The following FHOD3 variants were observed in gnomAD, a reference collection of about 807,000 sequenced individuals.
FHOD3 encodes FH1/FH2 domain-containing protein 3.
In FHOD3, 90 loss-of-function variants were observed where a neutral mutation model predicts 173.0. The observed-to-expected ratio is 0.52, with a 90% confidence interval of 0.44 to 0.62. FHOD3 has a LOEUF of 0.62. Among genes scored for constraint, FHOD3 ranks in the 20% least tolerant of loss-of-function variants. The pLI is 0.00. For missense variants in FHOD3, 1,945 were observed against 2,034.7 expected, an observed-to-expected ratio of 0.96 and a Z score of 0.85; for synonymous variants, 828 against 823.0, an observed-to-expected ratio of 1.01 and a Z score of -0.10.
intron 5 of FHOD3, among the ~76,000 whole-genome samples, chr18:36,536,768 G>A (rs1325563255): frequency 6.6e-6 from 1 of 152,190 alleles, no homozygotes; most frequent in African/African-American, 2.4e-5. Context: ...GTGGCAGGCA[G>A]TGGCTGCATC....
chr18:36,497,736 A>G (rs2054821224), intron 3 of FHOD3, among the ~76,000 whole-genome samples: 1 of 152,222 alleles, frequency 6.6e-6, no homozygotes, highest in Non-Finnish European at 1.5e-5. Context: ...AAGAAGAAAT[A>G]CACAAATCCA....
At chr18:36,328,188 C>G (rs191820887) in intron 1 of FHOD3, among the ~76,000 whole-genome samples, 6 of 152,082 alleles carry the variant, frequency 3.9e-5, no homozygotes, top group Non-Finnish European at 7.4e-5. Context: ...TGGTGGGAGA[C>G]AAGTGTTTGG....
intron 6 of FHOD3, among the ~76,000 whole-genome samples, chr18:36,580,951 T>A (rs566234689): frequency 1.3e-5 from 2 of 152,366 alleles, no homozygotes; most frequent in Admixed American, 6.5e-5. Context: ...AAGGAAGTAC[T>A]GGAGCAGAAA....
intron 19 of FHOD3, among the ~76,000 whole-genome samples, chr18:36,726,172 T>C (rs146507462): frequency 1.6e-4 from 24 of 150,856 alleles, no homozygotes; most frequent in African/African-American, 5.8e-4. Flanking sequence ...ATGTTACATA[T>C]ATAAATATAT....
At chr18:36,534,414 G>C (rs1568394926) in intron 5 of FHOD3, among the ~76,000 whole-genome samples, 3 of 152,242 alleles carry the variant, frequency 2.0e-5, no homozygotes, top group Non-Finnish European at 4.4e-5. Context: ...CTGGTCCTGA[G>C]AGGAACTGGT....
chr18:36,605,800 G>A (rs2032002022), intron 8 of FHOD3, among the ~76,000 whole-genome samples: 1 of 152,180 alleles, frequency 6.6e-6, no homozygotes, highest in Non-Finnish European at 1.5e-5. Flanking sequence ...TCTGGGTCTG[G>A]AAAACATTCA....
intron 8 of FHOD3, among the ~76,000 whole-genome samples, chr18:36,603,229 G>A (rs1158753262): frequency 6.6e-6 from 1 of 152,096 alleles, no homozygotes; most frequent in African/African-American, 2.4e-5. Flanking sequence ...CTAATACATT[G>A]TGAAAATCTA....
In FHOD3 at chr18:36,602,920, G is replaced by C. The variant is rs140763328; in HGVS notation, c.813+152G>C. 5.2e-4 allele frequency: 330 copies of C among 639,946 alleles called. 5 individuals carry two copies. The East Asian group carries it at 9.0e-3, about 17-fold the overall frequency. 39.6% of individuals were successfully genotyped at this position (639,946 alleles called of 1,614,324 possible). On this transcript the variant is annotated intron_variant, in intron 8 of 28. Coordinates refer to ENST00000590592, the MANE Select transcript of FHOD3 (RefSeq NM_001281740.3). ...GGGTGGGCTCTGATGCAGCATGACT[G>C]TGTTCTTATAAGAGGAAAAGAGACA... is the stretch of plus-strand genomic sequence containing the variant.
intron 4 of FHOD3, among the ~76,000 whole-genome samples, chr18:36,507,911 C>T (rs1479618419): frequency 6.6e-6 from 1 of 152,158 alleles, no homozygotes; most frequent in Non-Finnish European, 1.5e-5. Flanking sequence ...CTATTGTCTC[C>T]ATTCTTCAGC....
intron 1 of FHOD3, among the ~76,000 whole-genome samples, chr18:36,346,327 C>T (rs1312186830): frequency 6.6e-6 from 1 of 152,156 alleles, no homozygotes; most frequent in Non-Finnish European, 1.5e-5. Flanking sequence ...GTTCATGCCA[C>T]TGCACTCCAA....
At chr18:36,375,138 T>C (rs1046026173) in intron 3 of FHOD3, among the ~76,000 whole-genome samples, 4 of 152,224 alleles carry the variant, frequency 2.6e-5, no homozygotes, top group Non-Finnish European at 5.9e-5. Context: ...TTGTGACATA[T>C]TCTTTCCCTT....
chr18:36,481,259 C>T (rs749940927), intron 3 of FHOD3, among the ~76,000 whole-genome samples: 7 of 151,906 alleles, frequency 4.6e-5, no homozygotes, highest in East Asian at 1.9e-4. Context: ...TTTCTGCAGG[C>T]GGCTATAATC....
intron 3 of FHOD3, among the ~76,000 whole-genome samples, chr18:36,403,925 C>T (rs1251879631): frequency 6.6e-6 from 1 of 152,220 alleles, no homozygotes; most frequent in Non-Finnish European, 1.5e-5. Context: ...AGGCAAGCCC[C>T]AGTGCCCTTG....
chr18:36,718,638 C>T lies in FHOD3; in HGVS notation c.3340C>T (p.Leu1114=). The change falls in exon 19 of 29, where the codon CTG becomes TTG. Residue 1114 remains leucine (L), a synonymous_variant. Coordinates refer to ENST00000590592, the MANE Select transcript of FHOD3 (RefSeq NM_001281740.3). ...RRCREFLWSK[L]EPIKVDTSRL... is the part of the protein sequence containing the mutation. ...CTGCAGAGAATTCCTGTGGTCAAAACTGGAACCCATTAAGGTGGACACTTC... is the reference window on the plus strand; with the variant it reads ...CTGCAGAGAATTCCTGTGGTCAAAATTGGAACCCATTAAGGTGGACACTTC... 1 of 1,614,174 alleles carries T rather than the reference C, an allele frequency of 6.2e-7. No individual in the cohort carries two copies. Among genetic ancestry groups the T allele is most frequent in the Non-Finnish European group, 8.5e-7 (1 of 1,180,044 alleles).
intron 19 of FHOD3, among the ~76,000 whole-genome samples, chr18:36,726,881 G>C (rs533209490): frequency 8.5e-5 from 13 of 152,140 alleles, no homozygotes; most frequent in Non-Finnish European, 1.9e-4. Flanking sequence ...CACTATGTTG[G>C]CCAGGATGGC....
intron 2 of FHOD3, among the ~76,000 whole-genome samples, chr18:36,369,190 C>T (rs1311651724): frequency 6.6e-6 from 1 of 151,972 alleles, no homozygotes; most frequent in Non-Finnish European, 1.5e-5. Context: ...GGTGTATTTA[C>T]TGGAAAGGCA....
In FHOD3 at chr18:36,612,048, A is replaced by G. The variant is rs374295739; in HGVS notation, c.910A>G (p.Lys304Glu). 6.2e-7 allele frequency: 1 copy of G among 1,614,076 alleles called. No homozygotes were observed. The highest frequency in any genetic ancestry group is 8.5e-7 in the Non-Finnish European group (1 of 1,180,044). ...TGCTGTGTCCCAGAGGCACTTGAAC[A>G]AGAAAGGGACTGACCTGGACTTAGT... ...IAAVSQRHLN[K>E]KGTDLDLVEQ... is the part of the protein sequence containing the mutation. The change falls in exon 9 of 29, where the codon AAG becomes GAG. Residue 304 changes from lysine (K) to glutamate (E), a missense_variant. By Grantham distance (56) the Lys-to-Glu change is moderately conservative. This residue lies in a region of FHOD3 where 1,099 missense variants were observed against 1,051.2 expected (regional missense o/e 1.05). Transcript: ENST00000590592.
intron 7 of FHOD3, among the ~76,000 whole-genome samples, chr18:36,595,958 A>C (rs1404022603): frequency 2.0e-5 from 3 of 152,218 alleles, no homozygotes; most frequent in Non-Finnish European, 4.4e-5. Flanking sequence ...AAAAGTTTAA[A>C]GAAGACAATA....
chr18:36,444,361 T>A (rs1364476870), intron 3 of FHOD3, among the ~76,000 whole-genome samples: 2 of 152,170 alleles, frequency 1.3e-5, no homozygotes, highest in Admixed American at 6.5e-5. Flanking sequence ...TGGAGTATGT[T>A]ACTTCTCATA....
Sources: allele counts gnomAD v4.1 joint callset (sites outside exome capture counted in the v4.1 genomes callset), GRCh38; gene constraint gnomAD v4.1.1; regional missense constraint gnomAD v4.1.1; transcripts MANE v1.5; gene names NCBI Gene and HGNC (gene_info 2026-07-23, HGNC 2026-07-21).